TAF4B: variants seen among roughly 807,000 people sequenced by gnomAD.
TAF4B encodes the protein TATA-box binding protein associated factor 4b.
Under a neutral mutation model 86.4 loss-of-function variants are expected in TAF4B, and 38 were observed. The observed-to-expected ratio is 0.44, with a 90% CI of 0.34 to 0.58. The LOEUF (loss-of-function observed/expected upper bound fraction) is 0.58, where lower values mean the gene tolerates loss of function less well. Among genes scored for constraint, TAF4B ranks in the 20% least tolerant of loss-of-function variants. The probability of loss-of-function intolerance (pLI) is 0.02; values close to 1 mark genes in which losing one functional copy is unlikely to be tolerated. For missense variants in TAF4B, 988 were observed against 1,027.6 expected (o/e 0.96, Z 0.53); for synonymous variants, 388 against 391.2 (o/e 0.99, Z 0.10).
At chr18:26,271,847 A>G (rs1033821972) in intron 3 of TAF4B, among the ~76,000 whole-genome samples, 1 of 151,612 alleles carries the variant, frequency 6.6e-6, no homozygotes, top group African/African-American at 2.4e-5. Flanking sequence ...GAATCACTTG[A>G]ACCCAGGAGG....
chr18:26,384,324 A>C (rs1404552902), intron 14 of TAF4B, among the ~76,000 whole-genome samples: 1 of 152,222 alleles, frequency 6.6e-6, no homozygotes, highest in Non-Finnish European at 1.5e-5. Context: ...GGATTCAGGG[A>C]ATTGAATGAA....
At chr18:26,351,574 A>G (rs2057246488) in intron 13 of TAF4B, among the ~76,000 whole-genome samples, 1 of 152,208 alleles carries the variant, frequency 6.6e-6, no homozygotes, top group South Asian at 2.1e-4. Flanking sequence ...TCATCTGATC[A>G]CTGTGTATGT....
chr18:26,261,414 A>G (rs2056165766), intron 1 of TAF4B, among the ~76,000 whole-genome samples: 1 of 151,836 alleles, frequency 6.6e-6, no homozygotes, highest in African/African-American at 2.4e-5. Context: ...TTTAGCCGGG[A>G]TGGTCTCGAT....
intron 6 of TAF4B, 49 bp from the exon 7 acceptor site, chr18:26,285,833 A>G (rs1189506452): frequency 1.3e-6 from 2 of 1,556,522 alleles, no homozygotes; most frequent in Non-Finnish European, 1.7e-6. Context: ...TTGTTTCACA[A>G]GTAGCTGATT....
intron 10 of TAF4B, among the ~76,000 whole-genome samples, chr18:26,320,733 CAG>C (rs1231864073): frequency 1.3e-5 from 2 of 152,010 alleles, no homozygotes; most frequent in Non-Finnish European, 2.9e-5. Flanking sequence ...CTAAAATTAA[CAG>C]AATATGGTAC....
intron 1 of TAF4B, among the ~76,000 whole-genome samples, chr18:26,252,145 AC>A (rs1555672851): frequency 6.6e-6 from 1 of 152,170 alleles, no homozygotes; most frequent in Non-Finnish European, 1.5e-5. Flanking sequence ...CTTTCAACAT[AC>A]GTTTTTCAAC....
intron 5 of TAF4B, among the ~76,000 whole-genome samples, chr18:26,280,805 A>G (rs1244658262): frequency 6.6e-6 from 1 of 152,212 alleles, no homozygotes; most frequent in East Asian, 1.9e-4. Flanking sequence ...CTGGGTATAT[A>G]TCCAAGAGAA....
intron 13 of TAF4B, among the ~76,000 whole-genome samples, chr18:26,348,010 T>C (rs1172879634): frequency 3.9e-5 from 6 of 152,190 alleles, no homozygotes; most frequent in Admixed American, 1.3e-4. Flanking sequence ...GGACAGATCA[T>C]GTAGACAGAA....
rs200740058 is a variant in TAF4B at position 26,229,965 on chromosome 18, AT to A, written c.343+2690del. ...TGAACAGAACTGGTTTAAAAAAAAA[AT>A]ATATATATATATACACACACACACA... is the stretch of plus-strand genomic sequence containing the variant. On this transcript the variant is annotated intron_variant, in intron 1 of 14. Transcript: ENST00000269142. Among the ~76,000 whole-genome samples the A allele has an allele frequency of 6.3e-3, 885 of 139,842 alleles. 8 individuals are homozygous for A. The highest frequency in any genetic ancestry group is 0.025 in the African/African-American group (831 of 32,666). The allele number at this position is 139,842 out of a possible 152,430, so 91.7% of individuals were successfully genotyped here.
At chr18:26,292,139 G>A in intron 7 of TAF4B, 107 bp from the exon 8 acceptor site, 2 of 1,252,860 alleles carry the variant, frequency 1.6e-6, no homozygotes, top group South Asian at 3.5e-5. Context: ...TTAAGATAAA[G>A]GTATATTTAT....
At chr18:26,235,878 T>C (rs529586952) in intron 1 of TAF4B, among the ~76,000 whole-genome samples, 3 of 152,334 alleles carry the variant, frequency 2.0e-5, no homozygotes, top group Admixed American at 1.3e-4. Flanking sequence ...CTCCACTGAC[T>C]GTTTGGTTTT....
intron 13 of TAF4B, among the ~76,000 whole-genome samples, chr18:26,344,612 G>A (rs2057161743): frequency 6.6e-6 from 1 of 152,212 alleles, no homozygotes; most frequent in South Asian, 2.1e-4. Context: ...CTTCAGGAAT[G>A]AAGAAAGCAC....
intron 1 of TAF4B, among the ~76,000 whole-genome samples, chr18:26,243,787 A>G (rs1417370975): frequency 1.3e-5 from 2 of 151,980 alleles, no homozygotes; most frequent in Non-Finnish European, 2.9e-5. Context: ...CCTTTCTGTT[A>G]GTTTTCCTTC....
At chr18:26,268,355 T>C (rs763061205) in intron 3 of TAF4B, among the ~76,000 whole-genome samples, 5 of 152,310 alleles carry the variant, frequency 3.3e-5, no homozygotes, top group Non-Finnish European at 7.4e-5. Flanking sequence ...AGGAGGCTAA[T>C]ACGATGAACT....
At chr18:26,350,574 GC>G (rs2057236870) in intron 13 of TAF4B, among the ~76,000 whole-genome samples, 1 of 152,156 alleles carries the variant, frequency 6.6e-6, no homozygotes, top group East Asian at 1.9e-4. Flanking sequence ...TGCTTGGGAG[GC>G]CGAAGTAGTG....
At chr18:26,355,716 C>T (rs775180841) in intron 13 of TAF4B, among the ~76,000 whole-genome samples, 1 of 152,180 alleles carries the variant, frequency 6.6e-6, no homozygotes, top group Non-Finnish European at 1.5e-5. Context: ...GACTATCTTG[C>T]AGATGCCATT....
At chr18:26,263,224 G>T (rs1221702227) in intron 1 of TAF4B, among the ~76,000 whole-genome samples, 1 of 152,156 alleles carries the variant, frequency 6.6e-6, no homozygotes, top group Non-Finnish European at 1.5e-5. Context: ...AAAGTGTTGG[G>T]ATTACAGGCG....
chr18:26,274,721 T>C lies in TAF4B; in HGVS notation c.656T>C (p.Val219Ala), dbSNP rs767054448. The C allele has an allele frequency of 1.2e-6, 2 of 1,614,204 alleles. No individual in the cohort carries two copies. Among genetic ancestry groups the C allele is most frequent in the Admixed American group, 3.3e-5 (2 of 60,030 alleles). Residue 219 changes from valine (V) to alanine (A), a missense_variant, in exon 4 of 15, where the codon GTA becomes GCA. Val to Ala is a moderately conservative substitution (Grantham distance 64). This residue lies in a region of TAF4B where 747 missense variants were observed against 737.9 expected (regional missense o/e 1.01). Transcript: ENST00000269142. ...ACTCCTGGAAAGCCATTGAATACTG[T>C]AACTACCCTGAAGCCTTCAAGTTTG... Reference protein sequence around the residue: ...TVTPGKPLNTVTTLKPSSLGA... With the variant: ...TVTPGKPLNTATTLKPSSLGA...
chr18:26,294,392 A>G (rs551587122), intron 9 of TAF4B, among the ~76,000 whole-genome samples: 3 of 151,900 alleles, frequency 2.0e-5, no homozygotes, highest in African/African-American at 4.8e-5. Flanking sequence ...CTGATCATCT[A>G]TTTTTGTGCT....
Sources: gnomAD v4.1 joint callset for allele counts (sites outside exome capture counted in the v4.1 genomes callset) on GRCh38, gnomAD v4.1.1 for gene constraint, gnomAD v4.1.1 regional missense constraint, MANE v1.5 for transcripts, NCBI Gene and HGNC (gene_info 2026-07-23, HGNC 2026-07-21) for gene names.